SLC25A33: variants seen among roughly 807,000 people sequenced by gnomAD.
The protein encoded by SLC25A33 is bone marrow stromal cell mitochondrial carrier protein.
Under a neutral mutation model 35.5 loss-of-function variants are expected in SLC25A33, and 15 were observed. The observed-to-expected ratio is 0.42, with a 90% CI of 0.28 to 0.65. The LOEUF (loss-of-function observed/expected upper bound fraction) is 0.65, where lower values mean the gene tolerates loss of function less well. SLC25A33 is among the 30% of genes least tolerant of loss of function. SLC25A33 has a pLI of 0.20. For synonymous variants in SLC25A33, 136 were observed against 148.7 expected, an observed-to-expected ratio of 0.91 and a Z score of 0.62; for missense variants, 257 against 398.5, an observed-to-expected ratio of 0.64 and a Z score of 3.02.
intron 1 of SLC25A33, among the ~76,000 whole-genome samples, chr1:9,551,836 T>G (rs922971995): frequency 2.0e-5 from 3 of 152,164 alleles, no homozygotes; most frequent in African/African-American, 4.8e-5. Context: ...AGGCCCCAGG[T>G]CTGAATCTTG....
Position 9,564,765 on chromosome 1 carries a change from T to TATATATATATACATAC in SLC25A33, c.237-2518_237-2517insTATATATATACATACA, listed in dbSNP as rs59741987. On this transcript the variant is annotated intron_variant, in intron 2 of 6. Coordinates refer to ENST00000302692, the MANE Select transcript of SLC25A33 (RefSeq NM_032315.3). ...ATATATATATATATATATATATATA[T>TATATATATATACATAC]ACACAAAAATTAGCTGAGCGTGGTG... Among the ~76,000 whole-genome samples, 3 of 114,842 alleles carry TATATATATATACATAC rather than the reference T, an allele frequency of 2.6e-5. No homozygotes were observed. In the East Asian group the frequency reaches 9.4e-4, roughly 36 times the overall value. The allele number at this position is 114,842 out of a possible 152,430, so 75.3% of individuals were successfully genotyped here.
At chr1:9,567,022 C>T (rs1222398818) in intron 2 of SLC25A33, among the ~76,000 whole-genome samples, 1 of 151,482 alleles carries the variant, frequency 6.6e-6, no homozygotes, top group African/African-American at 2.4e-5. Context: ...AGCGAGACTC[C>T]ATCTCAAAAA....
In SLC25A33 at chr1:9,575,435, T is replaced by A. The variant is rs566348695; in HGVS notation, c.482+2023T>A. 4.0e-5 allele frequency among the ~76,000 whole-genome samples: 6 copies of A among 150,814 alleles called. No individual in the cohort carries two copies. The East Asian group carries it at 1.2e-3, about 30-fold the overall frequency. ...TTCGAGACCAGCCTGGCCAACATGGTGAAACCCCGTCTCTACTAAAAATAC... is the reference window on the plus strand; with the variant it reads ...TTCGAGACCAGCCTGGCCAACATGGAGAAACCCCGTCTCTACTAAAAATAC... On this transcript the variant is annotated intron_variant, in intron 5 of 6. Transcript: ENST00000302692.
At chr1:9,553,064 G>A (rs568762746) in intron 1 of SLC25A33, among the ~76,000 whole-genome samples, 1 of 149,776 alleles carries the variant, frequency 6.7e-6, no homozygotes, top group Non-Finnish European at 1.5e-5. Context: ...GCTAATTTTT[G>A]TATTTTTAGT....
Position 9,539,586 on chromosome 1 carries a change from C to T in SLC25A33, c.-106C>T, listed in dbSNP as rs570691005. On this transcript the variant is annotated 5_prime_UTR_variant, in exon 1 of 7. Coordinates refer to ENST00000302692, the MANE Select transcript of SLC25A33 (RefSeq NM_032315.3). ...GCGCGCATGGAGGCGTTGCCGGCAGCCCCCTGAGGGCAGCGGGGAGACAAG... is the reference window on the plus strand; with the variant it reads ...GCGCGCATGGAGGCGTTGCCGGCAGTCCCCTGAGGGCAGCGGGGAGACAAG... The T allele has an allele frequency of 2.3e-6, 2 of 873,848 alleles. No individual in the cohort carries two copies. The highest frequency in any genetic ancestry group is 3.8e-5 in the South Asian group (1 of 26,478). The allele number at this position is 873,848 out of a possible 1,614,324, so 54.1% of individuals were successfully genotyped here. A position where few individuals can be genotyped will look rare whatever the true frequency, so the allele number is the denominator to read the frequency against.
At position 9,584,229 on chromosome 1, in the gene SLC25A33, G is replaced by C. The variant is rs1487457057; in HGVS notation, c.*1728G>C. On this transcript the variant is annotated 3_prime_UTR_variant, in exon 7 of 7. Transcript: ENST00000302692. ...TTCAGGTTTACTTGCAGACACCCTG[G>C]TAGGGTTAAGAGGAGGATATTTCCA... is the stretch of plus-strand genomic sequence containing the variant. The C allele has an allele frequency of 6.6e-6, 1 of 152,176 alleles. No individual in the cohort carries two copies. Among genetic ancestry groups the C allele is most frequent in the African/African-American group, 2.4e-5 (1 of 41,436 alleles). The allele number at this position is 152,176 out of a possible 1,614,324, so 9.4% of individuals were successfully genotyped here. A position where few individuals can be genotyped will look rare whatever the true frequency, so the allele number is the denominator to read the frequency against.
Position 9,578,659 on chromosome 1 carries a change from T to C in SLC25A33, c.483-1295T>C, listed in dbSNP as rs1643696278. ...CTTATTATTTACTTTTTTGTAGAGA[T>C]AGAGCCTCACTACATTGGCCAGGCT... On this transcript the variant is annotated intron_variant, in intron 5 of 6. Transcript: ENST00000302692. The surrounding 1 kb of genome is among the most constrained non-coding windows in gnomAD (Gnocchi z 4.3). Among the ~76,000 whole-genome samples the C allele has an allele frequency of 6.6e-6, 1 of 152,204 alleles. No homozygotes were observed. The highest frequency in any genetic ancestry group is 6.5e-5 in the Admixed American group (1 of 15,278).
intron 5 of SLC25A33, among the ~76,000 whole-genome samples, chr1:9,575,823 CTT>C (rs1299888888): frequency 2.0e-5 from 3 of 152,220 alleles, no homozygotes; most frequent in African/African-American, 4.8e-5. Flanking sequence ...TGTTCAGACT[CTT>C]TTGATGAATC....
At chr1:9,555,077 A>G (rs1199364543) in intron 2 of SLC25A33, among the ~76,000 whole-genome samples, 2 of 149,538 alleles carry the variant, frequency 1.3e-5, no homozygotes, top group African/African-American at 4.9e-5. Flanking sequence ...AATAAAATGG[A>G]GATGCTCTGT....
Position 9,584,765 on chromosome 1 carries a change from G to C in SLC25A33, c.*2264G>C, listed in dbSNP as rs987952565. ...AGGTATCACTCGATCACTGAAGCTG[G>C]ATACAGTGGCAAGATCATAGCTCAC... is the stretch of plus-strand genomic sequence containing the variant. On this transcript the variant is annotated 3_prime_UTR_variant, in exon 7 of 7. Transcript: ENST00000302692. The C allele has an allele frequency of 2.0e-5, 3 of 152,152 alleles. No homozygotes were observed. The highest frequency in any genetic ancestry group is 2.9e-5 in the Non-Finnish European group (2 of 68,042). 9.4% of individuals were successfully genotyped at this position (152,152 alleles called of 1,614,324 possible).
chr1:9,546,174 A>ATTTT (rs746460317), intron 1 of SLC25A33, among the ~76,000 whole-genome samples: 10 of 100,520 alleles, frequency 9.9e-5, no homozygotes, highest in East Asian at 6.6e-4. Context: ...ACACAGAGAA[A>ATTTT]TTTTTTTTTT....
At chr1:9,576,868 G>C in intron 5 of SLC25A33, 1 of 1,256,262 alleles carries the variant, frequency 8.0e-7, no homozygotes, top group Non-Finnish European at 1.1e-6. Flanking sequence ...ATGACATCGA[G>C]CTTGTTTCAA....
chr1:9,566,915 C>T (rs1303466176), intron 2 of SLC25A33, among the ~76,000 whole-genome samples: 1 of 150,984 alleles, frequency 6.6e-6, no homozygotes, highest in Non-Finnish European at 1.5e-5. Context: ...GTAATCCCAG[C>T]TACTTGGGAG....
chr1:9,555,645 G>A (rs1434436960), intron 2 of SLC25A33, among the ~76,000 whole-genome samples: 2 of 152,096 alleles, frequency 1.3e-5, no homozygotes, highest in Non-Finnish European at 2.9e-5. Context: ...CAGGGAGATT[G>A]GTGTCCAAGA....
At position 9,539,648 on chromosome 1, in the gene SLC25A33, G is replaced by T. The variant is rs922561806; in HGVS notation, c.-44G>T. Reference sequence around the variant, plus strand: ...TCGCGCATCCCTCGAGCCGCCACGCGCTCTCGCCACCGGGCGGCGACGGGC... The same window carrying T: ...TCGCGCATCCCTCGAGCCGCCACGCTCTCTCGCCACCGGGCGGCGACGGGC... On this transcript the variant is annotated 5_prime_UTR_variant, in exon 1 of 7. Coordinates refer to ENST00000302692, the MANE Select transcript of SLC25A33 (RefSeq NM_032315.3). 1.3e-4 allele frequency: 173 copies of T among 1,320,794 alleles called. No individual in the cohort carries two copies. The highest frequency in any genetic ancestry group is 8.6e-4 in the Middle Eastern group (3 of 3,478). 81.8% of individuals were successfully genotyped at this position (1,320,794 alleles called of 1,614,324 possible).
In SLC25A33 at chr1:9,562,085, C is replaced by T. The variant is rs563606039; in HGVS notation, c.237-5199C>T. 3.4e-5 allele frequency among the ~76,000 whole-genome samples: 5 copies of T among 148,790 alleles called. No individual in the cohort carries two copies. The South Asian group carries it at 8.5e-4, about 25-fold the overall frequency. ...AAAAAGGGGCAATATTCGTGTTTCA[C>T]GCCTGCAATCCCAGCACTTTGGGAG... On this transcript the variant is annotated intron_variant, in intron 2 of 6. Coordinates refer to ENST00000302692, the MANE Select transcript of SLC25A33 (RefSeq NM_032315.3).
chr1:9,567,195 C>G (rs531561144), intron 2 of SLC25A33, 89 bp from the exon 3 acceptor site: 1 of 1,079,148 alleles, frequency 9.3e-7, no homozygotes, highest in Admixed American at 2.0e-5. Flanking sequence ...TTTATTCTCT[C>G]AAGGAACTAA....
At chr1:9,559,408 T>C (rs114088391) in intron 2 of SLC25A33, among the ~76,000 whole-genome samples, 3,140 of 152,194 alleles carry the variant, frequency 0.021, 102 homozygotes, top group African/African-American at 0.071. Flanking sequence ...AGATATTGCA[T>C]ATAAAGGGCT....
At chr1:9,567,975 A>C (rs1302861069) in intron 3 of SLC25A33, among the ~76,000 whole-genome samples, 3 of 152,250 alleles carry the variant, frequency 2.0e-5, no homozygotes, top group African/African-American at 7.2e-5. Flanking sequence ...TTCATGTTTC[A>C]AGCACTCAAT....
Sources: gnomAD v4.1 joint callset for allele counts (sites outside exome capture counted in the v4.1 genomes callset) on GRCh38, gnomAD v4.1.1 for gene constraint, Gnocchi (gnomAD v3.1) non-coding constraint, MANE v1.5 for transcripts, NCBI Gene and HGNC (gene_info 2026-07-23, HGNC 2026-07-21) for gene names.